C8B: variants seen among roughly 807,000 people sequenced by gnomAD.
C8B encodes complement C8 beta chain, also known as complement component C8 beta chain.
C8B carries 67 observed loss-of-function variants against 64.6 expected under a neutral mutation model. The observed-to-expected ratio is 1.04, with a 90% CI of 0.85 to 1.27. The LOEUF is 1.27. C8B is among the 50% of genes most tolerant of loss of function. The probability of loss-of-function intolerance (pLI) is 0.00; values close to 1 mark genes in which losing one functional copy is unlikely to be tolerated. For synonymous variants in C8B, 284 were observed against 257.7 expected, an observed-to-expected ratio of 1.10 and a Z score of -0.98; for missense variants, 790 against 725.2, an observed-to-expected ratio of 1.09 and a Z score of -1.03.
In C8B at chr1:56,949,738, G is replaced by A. The variant is rs138606922; in HGVS notation, c.681C>T (p.Tyr227=). ...ATTCATACTCTTTTAATATGAATTC[G>A]TATTTGCCTTGGGTCTAAAGAAGAA... ...ESYTPQTQGK[Y]EFILKEYESY... The change falls in exon 6 of 12, where the codon TAC becomes TAT. Residue 227 remains tyrosine (Y), a synonymous_variant. Coordinates refer to ENST00000371237, the MANE Select transcript of C8B (RefSeq NM_000066.4). 373 of 1,612,136 alleles carry A rather than the reference G, an allele frequency of 2.3e-4. No individual in the cohort carries two copies. The African/African-American group carries it at 3.1e-3, about 13-fold the overall frequency.
chr1:56,931,278 C>T (rs1644696826), intron 11 of C8B, among the ~76,000 whole-genome samples: 1 of 152,194 alleles, frequency 6.6e-6, no homozygotes, highest in Non-Finnish European at 1.5e-5. Context: ...TGAGCAACAG[C>T]TGTGCCTGGC....
chr1:56,948,263 T>C (rs1012629470), intron 6 of C8B, among the ~76,000 whole-genome samples: 1 of 150,764 alleles, frequency 6.6e-6, no homozygotes, highest in African/African-American at 2.5e-5. Flanking sequence ...ACAAACTATT[T>C]AGTTGGGCAC....
intron 6 of C8B, among the ~76,000 whole-genome samples, chr1:56,949,141 C>T (rs1644984353): frequency 6.6e-6 from 1 of 152,072 alleles, no homozygotes; most frequent in Non-Finnish European, 1.5e-5. Flanking sequence ...GGAATGTCCC[C>T]TCCAAAACTC....
chr1:56,934,966 T>C (rs1274159158), intron 9 of C8B, among the ~76,000 whole-genome samples: 1 of 152,166 alleles, frequency 6.6e-6, no homozygotes, highest in Non-Finnish European at 1.5e-5. Flanking sequence ...GAGGACAAAC[T>C]GGAATAAACC....
At position 56,929,552 on chromosome 1, in the gene C8B, G is replaced by C. The variant is rs746509547; in HGVS notation, c.1628C>G (p.Pro543Arg). The change falls in exon 12 of 12, where the codon CCC becomes CGC. Residue 543 changes from proline (P) to arginine (R), a missense_variant. Transcript: ENST00000371237. ...CCAGCAATTCCACTTCCCATCAATG[G>C]GGGTATCTATAAGAAAGAAGGTCAA... ...ACEVSYRKNT[P>R]IDGKWNCWSN... The C allele has an allele frequency of 6.2e-7, 1 of 1,613,644 alleles. No homozygotes were observed. The highest frequency in any genetic ancestry group is 1.3e-5 in the African/African-American group (1 of 74,914).
chr1:56,940,304 A>G (rs1217803904), intron 9 of C8B, among the ~76,000 whole-genome samples: 1 of 152,080 alleles, frequency 6.6e-6, no homozygotes, highest in Non-Finnish European at 1.5e-5. Context: ...ACAGTGGCTC[A>G]CACCTATAAT....
At chr1:56,947,940 A>G (rs1644966290) in intron 6 of C8B, among the ~76,000 whole-genome samples, 1 of 90,874 alleles carries the variant, frequency 1.1e-5, no homozygotes, top group East Asian at 2.7e-4. Context: ...CAAAAACAAA[A>G]CAAAACAAAA....
chr1:56,949,640 A>G lies in C8B; in HGVS notation c.779T>C (p.Ile260Thr), dbSNP rs2101423431. 4 of 1,614,116 alleles carry G rather than the reference A, an allele frequency of 2.5e-6. No individual in the cohort carries two copies. The South Asian group carries it at 4.4e-5, about 18-fold the overall frequency. The change falls in exon 6 of 12, where the codon ATA becomes ACA. Residue 260 changes from isoleucine (I) to threonine (T), a missense_variant. Coordinates refer to ENST00000371237, the MANE Select transcript of C8B (RefSeq NM_000066.4). ...GATGCCAAGTTCAAATATTCCAGGT[A>G]TTTTAAAACCAAAACTGAAACCAGA... is the stretch of plus-strand genomic sequence containing the variant. ...SKSGFSFGFK[I>T]PGIFELGISS...
In C8B at chr1:56,965,840, T is replaced by A. The variant is rs1408326026; in HGVS notation, c.92+17A>T. 2 of 1,613,158 alleles carry A rather than the reference T, an allele frequency of 1.2e-6. No homozygotes were observed. The highest frequency in any genetic ancestry group is 4.5e-5 in the East Asian group (2 of 44,882). On this transcript the variant is annotated intron_variant, in intron 1 of 11. Coordinates refer to ENST00000371237, the MANE Select transcript of C8B (RefSeq NM_000066.4). ...GTCATATTATTGATCAGGGAATTAT[T>A]GGTAACTGTCACTTACCTGGAGCCA... is the stretch of plus-strand genomic sequence containing the variant.
intron 6 of C8B, among the ~76,000 whole-genome samples, chr1:56,948,677 A>G (rs1644978386): frequency 6.6e-6 from 1 of 152,196 alleles, no homozygotes; most frequent in Non-Finnish European, 1.5e-5. Flanking sequence ...AATTAAATAA[A>G]GGACAGATGG....
At chr1:56,960,236 A>G in intron 1 of C8B, 60 bp from the exon 2 acceptor site, 1 of 1,466,514 alleles carries the variant, frequency 6.8e-7, no homozygotes, top group Non-Finnish European at 9.5e-7. Flanking sequence ...TATACATCCA[A>G]CCATCTATTT....
At chr1:56,951,328 G>A (rs1009490886) in intron 5 of C8B, among the ~76,000 whole-genome samples, 2 of 152,164 alleles carry the variant, frequency 1.3e-5, no homozygotes, top group African/African-American at 4.8e-5. Context: ...AGAAAACTGA[G>A]GCCCAGAGTG....
rs1488973181 is a variant in C8B at position 56,956,840 on chromosome 1, A to G, written c.320T>C (p.Val107Ala). 1.2e-6 allele frequency: 2 copies of G among 1,614,078 alleles called. No individual in the cohort carries two copies. The highest frequency in any genetic ancestry group is 2.2e-5 in the East Asian group (1 of 44,854). ...TGGTCTGTTGGTAACACAGTCTTCG[A>G]CTTCCTTGTCAGAGAAGTTGCACGG... ...GEPCNFSDKE[V>A]EDCVTNRPCG... Residue 107 changes from valine to alanine, a missense_variant, in exon 3 of 12, where the codon GTC (valine) becomes GCC (alanine). By Grantham distance (64) the Val-to-Ala change is moderately conservative. Coordinates refer to ENST00000371237, the MANE Select transcript of C8B (RefSeq NM_000066.4).
intron 1 of C8B, chr1:56,964,183 T>C (rs566013428): frequency 5.7e-6 from 1 of 174,152 alleles, no homozygotes; most frequent in South Asian, 1.9e-4. Context: ...GACAATTAAA[T>C]ACAATTTCTC....
At chr1:56,956,949 C>T (rs1167701459) in intron 2 of C8B, 39 bp from the exon 3 acceptor site, 1 of 1,612,954 alleles carries the variant, frequency 6.2e-7, no homozygotes, top group African/African-American at 1.3e-5. Flanking sequence ...AGGGTAAAGC[C>T]TTAGATCTCA....
intron 9 of C8B, among the ~76,000 whole-genome samples, chr1:56,936,861 G>T (rs542151696): frequency 7.2e-5 from 11 of 152,154 alleles, no homozygotes; most frequent in Non-Finnish European, 1.5e-4. Flanking sequence ...TCACAGTGCT[G>T]GGATTACAGG....
At chr1:56,940,094 G>T (rs1389971163) in intron 9 of C8B, among the ~76,000 whole-genome samples, 1 of 151,820 alleles carries the variant, frequency 6.6e-6, no homozygotes, top group Non-Finnish European at 1.5e-5. Flanking sequence ...TCTTCCCTTA[G>T]TACCTTACTT....
chr1:56,951,585 A>G (rs1645021492), intron 5 of C8B, among the ~76,000 whole-genome samples: 1 of 152,256 alleles, frequency 6.6e-6, no homozygotes, highest in African/African-American at 2.4e-5. Context: ...CAATAACAAC[A>G]GCAAAAAGAG....
At chr1:56,948,664 A>G (rs1005546792) in intron 6 of C8B, among the ~76,000 whole-genome samples, 7 of 152,182 alleles carry the variant, frequency 4.6e-5, no homozygotes, top group African/African-American at 7.2e-5. Context: ...GAAGAGGGCC[A>G]TGAATTAAAT....
Sources: gnomAD v4.1 joint callset for allele counts (sites outside exome capture counted in the v4.1 genomes callset) on GRCh38, gnomAD v4.1.1 for gene constraint, MANE v1.5 for transcripts, NCBI Gene and HGNC (gene_info 2026-07-23, HGNC 2026-07-21) for gene names.